The following POLG variants were observed in gnomAD, a reference collection of about 807,000 sequenced individuals.
The protein encoded by POLG is DNA polymerase subunit gamma-1.
Under a neutral mutation model 155.4 loss-of-function variants are expected in POLG, and 110 were observed. That is an observed-to-expected ratio of 0.71 (90% CI 0.61 to 0.83). The LOEUF (loss-of-function observed/expected upper bound fraction) is 0.83. Ranked by LOEUF, POLG falls within the 40% of genes least tolerant of loss-of-function variation. The probability of loss-of-function intolerance (pLI) is 0.00; values close to 1 mark genes in which losing one functional copy is unlikely to be tolerated. For missense variants in POLG, 1,685 were observed against 1,627.5 expected, an observed-to-expected ratio of 1.04 and a Z score of -0.61; for synonymous variants, 701 against 631.5, an observed-to-expected ratio of 1.11 and a Z score of -1.65.
rs759189437 is a variant in POLG at position 89,316,744 on chromosome 15, G to A, written c.*7C>T. On this transcript the variant is annotated 3_prime_UTR_variant, in exon 23 of 23. Transcript: ENST00000268124. ...CACGGGAGCAAATACAGAGCCTCCA[G>A]GCAGTGCTATGGTCCAGGCTGGCTT... 1.4e-5 allele frequency: 22 copies of A among 1,607,432 alleles called. No homozygotes were observed. Among genetic ancestry groups the A allele is most frequent in the Admixed American group, 6.7e-5 (4 of 59,994 alleles).
intron 9 of POLG, 27 bp from the exon 10 acceptor site, chr15:89,325,713 G>A (rs1267106093): frequency 6.6e-7 from 1 of 1,520,620 alleles, no homozygotes. Flanking sequence ...AGACAGCAGT[G>A]TCACGATGGT....
Position 89,325,658 on chromosome 15 carries a change from C to T in POLG, c.1741G>A (p.Asp581Asn), listed in dbSNP as rs777059857. ...GGGCCCGGGGTCCATGCAGGGTCGT[C>T]TAGCCGGGGGCAGAGCTTCCGGTAC... Reference protein sequence around the residue: ...GWYRKLCPRLDDPAWTPGPSL... With the variant: ...GWYRKLCPRLNDPAWTPGPSL... Residue 581 changes from aspartate (D) to asparagine (N), a missense_variant, in exon 10 of 23, where the codon GAC (aspartate) becomes AAC (asparagine). Asp to Asn is a conservative substitution (Grantham distance 23). Coordinates refer to ENST00000268124, the MANE Select transcript of POLG (RefSeq NM_002693.3). 2 of 1,610,654 alleles carry T rather than the reference C, an allele frequency of 1.2e-6. No homozygotes were observed. The highest frequency in any genetic ancestry group is 8.5e-7 in the Non-Finnish European group (1 of 1,179,968).
intron 1 of POLG, chr15:89,334,159 A>G: frequency 3.2e-6 from 1 of 314,328 alleles, no homozygotes; most frequent in Non-Finnish European, 6.0e-6. Flanking sequence ...CAGTATCTGG[A>G]GTAGGGCGAC....
At position 89,319,328 on chromosome 15, in the gene POLG, C is replaced by T. The variant is rs757987765; in HGVS notation, c.3004G>A (p.Glu1002Lys). Residue 1002 changes from glutamate (E) to lysine (K), a missense_variant, in exon 19 of 23, where the codon GAG becomes AAG. Around this residue, in one of 3 missense-constraint regions of POLG, gnomAD observed 470 missense variants for 439.9 expected, o/e 1.07. Transcript: ENST00000268124. Reference sequence around the variant, plus strand: ...AGGTTCAACTCCCTCACCAGCCACTCGCCCTCATCCGACAGCCGATACCTG... The same window carrying T: ...AGGTTCAACTCCCTCACCAGCCACTTGCCCTCATCCGACAGCCGATACCTG... Reference protein sequence around the residue: ...LRWYRLSDEGEWLVRELNLPV... With the variant: ...LRWYRLSDEGKWLVRELNLPV... 1.1e-5 allele frequency: 18 copies of T among 1,614,006 alleles called. No homozygotes were observed. The highest frequency in any genetic ancestry group is 1.1e-4 in the African/African-American group (8 of 74,940).
At chr15:89,324,291 C>T (rs2055441232) in intron 10 of POLG, 64 bp from the exon 11 acceptor site, 2 of 1,578,160 alleles carry the variant, frequency 1.3e-6, no homozygotes, top group African/African-American at 2.7e-5. Context: ...GGCCAGGCAG[C>T]TTGCTAGTGC....
intron 14 of POLG, 138 bp downstream of exon 14, chr15:89,322,604 A>G: frequency 1.1e-6 from 1 of 880,078 alleles, no homozygotes; most frequent in Non-Finnish European, 1.9e-6. Flanking sequence ...CCCAAGGTCC[A>G]TGGCACCAGG....
At chr15:89,324,332 A>G in intron 10 of POLG, 105 bp from the exon 11 acceptor site, 1 of 1,336,534 alleles carries the variant, frequency 7.5e-7, no homozygotes, top group Admixed American at 1.9e-5. Flanking sequence ...TAGTCCTCAG[A>G]ATCAGCTCTG....
intron 3 of POLG, among the ~76,000 whole-genome samples, chr15:89,329,743 G>A (rs933897337): frequency 4.6e-5 from 7 of 152,194 alleles, no homozygotes; most frequent in African/African-American, 1.7e-4. Flanking sequence ...AAGACTTAGA[G>A]ATGTTAAGGC....
At position 89,330,138 on chromosome 15, in the gene POLG, C is replaced by G; in HGVS notation, c.798G>C (p.Val266=). 1 of 1,614,052 alleles carries G rather than the reference C, an allele frequency of 6.2e-7. No individual in the cohort carries two copies. The highest frequency in any genetic ancestry group is 1.3e-5 in the African/African-American group (1 of 75,050). The part of the protein sequence containing the change: ...PTQRDWQEQL[V]VGHNVSFDRA... Reference sequence around the variant, plus strand: ...GGTCAAAGGAAACATTGTGCCCCACCACTAACTGCTCCTGCCAGTCTCTCT... The same window carrying G: ...GGTCAAAGGAAACATTGTGCCCCACGACTAACTGCTCCTGCCAGTCTCTCT... The change falls in exon 3 of 23, where the codon GTG becomes GTC. Residue 266 remains valine, a synonymous_variant. Coordinates refer to ENST00000268124, the MANE Select transcript of POLG (RefSeq NM_002693.3).
At chr15:89,320,645 GGA>G in intron 18 of POLG, 119 bp downstream of exon 18, 1 of 1,120,366 alleles carries the variant, frequency 8.9e-7, no homozygotes, top group South Asian at 1.4e-5. Context: ...AGGTGTGGAA[GGA>G]GAGGGGCTAG....
chr15:89,325,111 A>AGGGTGTGT (rs1555453311), intron 10 of POLG, among the ~76,000 whole-genome samples: 1 of 36,912 alleles, frequency 2.7e-5, no homozygotes, highest in African/African-American at 2.1e-4. Flanking sequence ...AGAGTGAGAG[A>AGGGTGTGT]GAGTGAGTGA....
intron 16 of POLG, among the ~76,000 whole-genome samples, 190 bp from the exon 17 acceptor site, chr15:89,321,450 C>T (rs2055394816): frequency 6.6e-6 from 1 of 152,210 alleles, no homozygotes; most frequent in African/African-American, 2.4e-5. Flanking sequence ...AGAATCTACT[C>T]TATGCCTAGC....
chr15:89,316,419 G>A lies in POLG; in HGVS notation c.*332C>T, dbSNP rs138461165. 114 of 1,611,754 alleles carry A rather than the reference G, an allele frequency of 7.1e-5. 1 individual carries two copies. The African/African-American group carries it at 1.3e-3, about 18-fold the overall frequency. ...TAGGGCACTGCATCAGAGCATGGGG[G>A]ACAGAACAAAGAACCAGCCAAGAAG... On this transcript the variant is annotated 3_prime_UTR_variant, in exon 23 of 23. Coordinates refer to ENST00000268124, the MANE Select transcript of POLG (RefSeq NM_002693.3).
Position 89,321,788 on chromosome 15 carries a change from G to GT in POLG, c.2545dup (p.Thr849AsnfsTer20). On this transcript the variant is annotated frameshift_variant, in exon 16 of 23. Transcript: ENST00000268124. LOFTEE classifies it high-confidence loss of function. The stretch of plus-strand genomic sequence containing the variant: ...GGGCTCCACAGCCCGGCGAGTGATG[G>GT]TGCCGGCAGTCACCACTTGGGGCAG... 3 of 1,614,162 alleles carry GT rather than the reference G, an allele frequency of 1.9e-6. No homozygotes were observed. The highest frequency in any genetic ancestry group is 2.5e-6 in the Non-Finnish European group (3 of 1,180,020).
chr15:89,319,890 C>A (rs1305677869), intron 18 of POLG, among the ~76,000 whole-genome samples: 1 of 152,182 alleles, frequency 6.6e-6, no homozygotes, highest in African/African-American at 2.4e-5. Context: ...GGCTTGTCGC[C>A]TGAAGGCTCC....
In POLG at chr15:89,316,750, G is replaced by A. The variant is rs762441013; in HGVS notation, c.*1C>T. Reference sequence around the variant, plus strand: ...AGCAAATACAGAGCCTCCAGGCAGTGCTATGGTCCAGGCTGGCTTCGTTTT... The same window carrying A: ...AGCAAATACAGAGCCTCCAGGCAGTACTATGGTCCAGGCTGGCTTCGTTTT... On this transcript the variant is annotated 3_prime_UTR_variant, in exon 23 of 23. Transcript: ENST00000268124. 2.5e-6 allele frequency: 4 copies of A among 1,609,532 alleles called. No homozygotes were observed. The highest frequency in any genetic ancestry group is 3.4e-6 in the Non-Finnish European group (4 of 1,175,748).
At position 89,317,523 on chromosome 15, in the gene POLG, A is replaced by C; in HGVS notation, c.3496T>G (p.Tyr1166Asp). ...TNLLTRCMFA[Y>D]KLGLNDLPQS... ...GGCAAGTCATTCAGACCCAGCTTGT[A>C]GGCAAACATGCACCTGAAAGAGACC... Residue 1166 changes from tyrosine (Y) to aspartate (D), a missense_variant, in exon 22 of 23, where the codon TAC becomes GAC. Transcript: ENST00000268124. 1 of 1,614,024 alleles carries C rather than the reference A, an allele frequency of 6.2e-7. No individual in the cohort carries two copies. The highest frequency in any genetic ancestry group is 1.1e-5 in the South Asian group (1 of 91,076).
chr15:89,331,105 A>C (rs1279517965), intron 2 of POLG, among the ~76,000 whole-genome samples: 1 of 151,918 alleles, frequency 6.6e-6, no homozygotes, highest in African/African-American at 2.4e-5. Context: ...ACGTGTGGAC[A>C]ACACAGCTGC....
Position 89,325,175 on chromosome 15 carries a change from TGA to T in POLG, c.1949+273_1949+274del, listed in dbSNP as rs774147026. Among the ~76,000 whole-genome samples the T allele has an allele frequency of 1.1e-3, 55 of 49,412 alleles. 6 individuals are homozygous for T. The highest frequency in any genetic ancestry group is 2.7e-3 in the African/African-American group (28 of 10,478). 32.4% of individuals were successfully genotyped at this position (49,412 alleles called of 152,430 possible). ...GTGAGTGAGTGAGTGAGTGAGAGAGTGAGAGAGTGAGTGAGTGAGAGAGTGAG... is the reference window on the plus strand; with the variant it reads ...GTGAGTGAGTGAGTGAGTGAGAGAGTGAGAGTGAGTGAGTGAGAGAGTGAG... On this transcript the variant is annotated intron_variant, in intron 10 of 22. Coordinates refer to ENST00000268124, the MANE Select transcript of POLG (RefSeq NM_002693.3).
Sources: gnomAD v4.1 joint callset for allele counts (sites outside exome capture counted in the v4.1 genomes callset) on GRCh38, gnomAD v4.1.1 for gene constraint, gnomAD v4.1.1 regional missense constraint, MANE v1.5 for transcripts, NCBI Gene and HGNC (gene_info 2026-07-23, HGNC 2026-07-21) for gene names.